The following LGSN variants were observed in gnomAD, a reference collection of about 807,000 sequenced individuals.
The protein encoded by LGSN is lengsin, lens protein with glutamine synthetase domain.
In LGSN, 21 loss-of-function variants were observed where a neutral mutation model predicts 19.5. The ratio of observed to expected loss-of-function variants is 1.07; its 90% CI spans 0.76 to 1.55. The LOEUF (loss-of-function observed/expected upper bound fraction) is 1.55, where lower values mean the gene tolerates loss of function less well. Among genes scored for constraint, LGSN ranks in the 40% most tolerant of loss-of-function variants. The probability of loss-of-function intolerance (pLI) is 0.00; values close to 1 mark genes in which losing one functional copy is unlikely to be tolerated. For missense variants in LGSN, 673 were observed against 608.5 expected (o/e 1.11, Z -1.12); for synonymous variants, 257 against 215.6 (o/e 1.19, Z -1.68).
chr6:63,285,584 C>G lies in LGSN; in HGVS notation c.330+3G>C. The stretch of plus-strand genomic sequence containing the variant: ...CATTTAGTCACAACTGTGTAAAACT[C>G]ACTTGAAAAAAGTGTGCAGGGATAG... On this transcript the variant is annotated splice_donor_region_variant and intron_variant, in intron 3 of 3. Coordinates refer to ENST00000370657, the MANE Select transcript of LGSN (RefSeq NM_016571.3). 6.2e-7 allele frequency: 1 copy of G among 1,610,498 alleles called. No individual in the cohort carries two copies. Among genetic ancestry groups the G allele is most frequent in the Non-Finnish European group, 8.5e-7 (1 of 1,177,358 alleles).
the LGSN span, among the ~76,000 whole-genome samples, chr6:63,473,300 C>G: frequency 1.3e-5 from 2 of 151,676 alleles, no homozygotes; most frequent in Non-Finnish European, 2.9e-5. Context: ...TGGCAAAACC[C>G]TGTCTCTACT....
At chr6:63,505,470 C>T in the LGSN span, among the ~76,000 whole-genome samples, 76,398 of 143,134 alleles carry the variant, frequency 0.53, 22,366 homozygotes, top group African/African-American at 0.77. Context: ...CCCAGCTACT[C>T]GGGAGGATGA....
At chr6:63,438,067 G>A in the LGSN span, among the ~76,000 whole-genome samples, 1 of 152,066 alleles carries the variant, frequency 6.6e-6, no homozygotes, top group African/African-American at 2.4e-5. Flanking sequence ...TTGTACTAAA[G>A]ACTATTTGGC....
At chr6:63,322,690 T>C (rs943004923), upstream of LGSN, among the ~76,000 whole-genome samples, 7 of 152,198 alleles carry the variant, frequency 4.6e-5, no homozygotes, top group Non-Finnish European at 8.8e-5. Context: ...GTTCCTTTCA[T>C]GAATCCAGTC....
At chr6:63,560,276 T>A in the LGSN span, among the ~76,000 whole-genome samples, 1 of 132,970 alleles carries the variant, frequency 7.5e-6, no homozygotes, top group Non-Finnish European at 1.5e-5. Context: ...CAGCAGAGGT[T>A]AAAGTGAGCT....
chr6:63,571,336 A>G, the LGSN span: 10 of 152,350 alleles, frequency 6.6e-5, no homozygotes, highest in East Asian at 1.9e-3. Flanking sequence ...TGAAAATAAC[A>G]AACAAAAGGC....
chr6:63,508,879 A>T, the LGSN span, among the ~76,000 whole-genome samples: 1 of 148,602 alleles, frequency 6.7e-6, no homozygotes, highest in African/African-American at 2.5e-5. Context: ...AGATTGGGCC[A>T]TTGCACTCCA....
At chr6:63,539,020 A>G in the LGSN span, among the ~76,000 whole-genome samples, 16 of 152,010 alleles carry the variant, frequency 1.1e-4, no homozygotes, top group African/African-American at 3.9e-4. Context: ...AGCTTCCCAC[A>G]TAGCTGGGAT....
chr6:63,372,041 T>C, the LGSN span, among the ~76,000 whole-genome samples: 3 of 152,226 alleles, frequency 2.0e-5, no homozygotes, highest in Non-Finnish European at 2.9e-5. Context: ...CTTGAGTTTG[T>C]TGACTTTAGA....
chr6:63,443,460 G>A, the LGSN span: 4 of 226,810 alleles, frequency 1.8e-5, no homozygotes, highest in African/African-American at 9.2e-5. Context: ...GGCACCAAGA[G>A]CAAGTGAGGG....
the LGSN span, among the ~76,000 whole-genome samples, chr6:63,332,828 G>A: frequency 3.9e-4 from 60 of 152,236 alleles, no homozygotes; most frequent in East Asian, 8.5e-3. Context: ...GGCGGTAGGC[G>A]AAAGTCCCTT....
At chr6:63,368,136 A>C in the LGSN span, among the ~76,000 whole-genome samples, 1 of 152,050 alleles carries the variant, frequency 6.6e-6, no homozygotes, top group African/African-American at 2.4e-5. Flanking sequence ...AAAAAAAAAG[A>C]GGGAGCAACT....
chr6:63,412,130 G>C, the LGSN span, among the ~76,000 whole-genome samples: 1 of 152,070 alleles, frequency 6.6e-6, no homozygotes, highest in Admixed American at 6.6e-5. Flanking sequence ...ACTTTGGGAA[G>C]CTGAGGTGGG....
At chr6:63,283,549 G>T (rs1274706466) in intron 3 of LGSN, among the ~76,000 whole-genome samples, 1 of 150,526 alleles carries the variant, frequency 6.6e-6, no homozygotes, top group African/African-American at 2.4e-5. Flanking sequence ...AATATAAGTT[G>T]GTTGTAAGAC....
chr6:63,432,157 GAA>G, the LGSN span, among the ~76,000 whole-genome samples: 317 of 97,850 alleles, frequency 3.2e-3, 8 homozygotes, highest in East Asian at 0.014. Context: ...AAGAAAGAAA[GAA>G]AGAAAGAAAG....
the LGSN span, among the ~76,000 whole-genome samples, chr6:63,434,256 T>C: frequency 6.6e-6 from 1 of 151,612 alleles, no homozygotes; most frequent in Non-Finnish European, 1.5e-5. Context: ...CTGGCCAACA[T>C]GGTGAAACTC....
At chr6:63,406,498 T>TACCA in the LGSN span, among the ~76,000 whole-genome samples, 23 of 149,246 alleles carry the variant, frequency 1.5e-4, no homozygotes, top group Non-Finnish European at 2.4e-4. Flanking sequence ...AGACACAACA[T>TACCA]ACCAGAATCT....
In LGSN at chr6:63,295,002, A is replaced by G. The variant is rs778693440; in HGVS notation, c.74T>C (p.Met25Thr). 6.2e-7 allele frequency: 1 copy of G among 1,613,674 alleles called. No homozygotes were observed. Among genetic ancestry groups the G allele is most frequent in the South Asian group, 1.1e-5 (1 of 91,082 alleles). Reference protein sequence around the residue: ...DEGNETEANSMNTLRRTRKKV... With the variant: ...DEGNETEANSTNTLRRTRKKV... ...CTTCCTTGTCCTTCTTAATGTGTTC[A>G]TGCTGTTGGCTTCAGTCTCATTGCC... is the stretch of plus-strand genomic sequence containing the variant. The change falls in exon 2 of 4, where the codon ATG (methionine) becomes ACG (threonine). Residue 25 changes from methionine (M) to threonine (T), a missense_variant. Coordinates refer to ENST00000370657, the MANE Select transcript of LGSN (RefSeq NM_016571.3).
the LGSN span, among the ~76,000 whole-genome samples, chr6:63,543,618 A>G: frequency 2.6e-5 from 4 of 152,188 alleles, no homozygotes; most frequent in Non-Finnish European, 5.9e-5. Context: ...ATGAACATGG[A>G]AAGAAGGTTG....
Sources: gnomAD v4.1 joint callset for allele counts (sites outside exome capture counted in the v4.1 genomes callset) on GRCh38, gnomAD v4.1.1 for gene constraint, MANE v1.5 for transcripts, NCBI Gene and HGNC (gene_info 2026-07-23, HGNC 2026-07-21) for gene names.